Variants in MAPK10 observed in about 807,000 individuals in gnomAD.
The protein encoded by MAPK10 is JNK3 alpha protein kinase.
A neutral mutation model predicts 59.3 loss-of-function variants in MAPK10; 25 were observed. That is an observed-to-expected ratio of 0.42 (90% confidence interval 0.31 to 0.59). The LOEUF (loss-of-function observed/expected upper bound fraction) is 0.59. Among genes scored for constraint, MAPK10 ranks in the 20% least tolerant of loss-of-function variants. The pLI is 0.15. For synonymous variants in MAPK10, 190 were observed against 200.5 expected, an observed-to-expected ratio of 0.95 and a Z score of 0.44; for missense variants, 351 against 568.9, an observed-to-expected ratio of 0.62 and a Z score of 3.90.
At chr4:86,524,002 G>A (rs765128152) in intron 1 of MAPK10, among the ~76,000 whole-genome samples, 2 of 152,118 alleles carry the variant, frequency 1.3e-5, no homozygotes, top group Non-Finnish European at 2.9e-5. Context: ...CTTCAAGGGT[G>A]AGTGAGTTCC....
At chr4:86,197,891 T>C (rs931822028) in intron 2 of MAPK10, among the ~76,000 whole-genome samples, 9 of 152,132 alleles carry the variant, frequency 5.9e-5, no homozygotes, top group African/African-American at 2.2e-4. Flanking sequence ...ATATGTTGCA[T>C]TGATGTCATG....
chr4:86,288,547 T>G (rs2095108858), intron 2 of MAPK10, among the ~76,000 whole-genome samples: 1 of 152,052 alleles, frequency 6.6e-6, no homozygotes, highest in African/African-American at 2.4e-5. Context: ...GCCCAGTATC[T>G]CTAACTAGCT....
intron 4 of MAPK10, among the ~76,000 whole-genome samples, chr4:86,145,732 TTCTG>T (rs1167377694): frequency 6.6e-6 from 1 of 152,166 alleles, no homozygotes; most frequent in Non-Finnish European, 1.5e-5. Flanking sequence ...ATCTTTCTTC[TTCTG>T]TCTCTCTGTC....
At chr4:86,118,251 A>G (rs887699627) in intron 4 of MAPK10, among the ~76,000 whole-genome samples, 1 of 152,078 alleles carries the variant, frequency 6.6e-6, no homozygotes, top group African/African-American at 2.4e-5. Context: ...AAAGTTTTCT[A>G]TTACTCTTGA....
chr4:86,057,491 G>C (rs1168988679), intron 11 of MAPK10, among the ~76,000 whole-genome samples: 3 of 149,840 alleles, frequency 2.0e-5, no homozygotes, highest in Non-Finnish European at 4.4e-5. Context: ...ATTTGGAGGA[G>C]TTTATTTTGT....
At chr4:86,557,543 A>G (rs1760362001) in intron 1 of MAPK10, among the ~76,000 whole-genome samples, 1 of 152,100 alleles carries the variant, frequency 6.6e-6, no homozygotes, top group South Asian at 2.1e-4. Context: ...TATATCAAGA[A>G]TCTTACTGGC....
At chr4:86,377,814 A>T (rs1372038541) in intron 1 of MAPK10, among the ~76,000 whole-genome samples, 1 of 152,124 alleles carries the variant, frequency 6.6e-6, no homozygotes, top group African/African-American at 2.4e-5. Flanking sequence ...CGAGTTCCAA[A>T]ATTAAAGAAC....
At position 86,511,798 on chromosome 4, in the gene MAPK10, GAAGGAAGGAAGGAAAC is replaced by G. The variant is rs1429020064; in HGVS notation, c.-263+82096_-263+82111del. 5.4e-5 allele frequency among the ~76,000 whole-genome samples: 8 copies of G among 149,430 alleles called. No individual in the cohort carries two copies. The South Asian group carries it at 8.7e-4, about 16-fold the overall frequency. On this transcript the variant is annotated intron_variant, in intron 1 of 4. Coordinates refer to the MAPK10 transcript ENST00000502302. The stretch of plus-strand genomic sequence containing the variant: ...AGAAGGAGAAGGAGAAGAAGAAAAG[GAAGGAAGGAAGGAAAC>G]AAGGAAGGAAGGAAAGAAGGAAGGA...
intron 11 of MAPK10, among the ~76,000 whole-genome samples, chr4:86,039,888 A>C (rs1343955778): frequency 6.6e-6 from 1 of 151,972 alleles, no homozygotes; most frequent in Non-Finnish European, 1.5e-5. Flanking sequence ...CTATAGACCC[A>C]CCCACCTGCT....
intron 1 of MAPK10, among the ~76,000 whole-genome samples, chr4:86,465,915 G>A (rs970640793): frequency 2.6e-5 from 4 of 152,178 alleles, no homozygotes; most frequent in Admixed American, 6.5e-5. Context: ...AAAACCTGAG[G>A]AAAGCGGGAC....
At chr4:86,378,859 C>T (rs949861590) in intron 1 of MAPK10, among the ~76,000 whole-genome samples, 2 of 152,142 alleles carry the variant, frequency 1.3e-5, no homozygotes, top group African/African-American at 4.8e-5. Flanking sequence ...TGAATTGCTA[C>T]AGGCAATATA....
intron 1 of MAPK10, among the ~76,000 whole-genome samples, chr4:86,394,645 G>A (rs184579825): frequency 1.7e-4 from 26 of 152,150 alleles, no homozygotes; most frequent in Non-Finnish European, 3.1e-4. Flanking sequence ...CTGAAAACTC[G>A]GAAGATACAA....
chr4:86,280,244 AAACT>A (rs2094745594), intron 2 of MAPK10, among the ~76,000 whole-genome samples: 2 of 152,308 alleles, frequency 1.3e-5, no homozygotes, highest in African/African-American at 4.8e-5. Flanking sequence ...GAATTTAAAC[AAACT>A]AACAAGCAAA....
chr4:86,538,538 T>G (rs540351370), intron 1 of MAPK10, among the ~76,000 whole-genome samples: 1 of 152,356 alleles, frequency 6.6e-6, no homozygotes, highest in Admixed American at 6.5e-5. Context: ...TTGGATGCTT[T>G]TAGCCTTTTC....
chr4:86,247,972 G>A (rs895669270), intron 2 of MAPK10, among the ~76,000 whole-genome samples: 6 of 152,164 alleles, frequency 3.9e-5, no homozygotes, highest in Non-Finnish European at 5.9e-5. Context: ...ATTTTTTGTT[G>A]TCATATATCA....
chr4:86,018,605 C>T (rs1744580316), intron 13 of MAPK10, among the ~76,000 whole-genome samples: 1 of 152,166 alleles, frequency 6.6e-6, no homozygotes, highest in African/African-American at 2.4e-5. Flanking sequence ...GAAAGATGAA[C>T]CAAAGGCATT....
intron 1 of MAPK10, among the ~76,000 whole-genome samples, chr4:86,445,050 C>T (rs1473119595): frequency 6.6e-6 from 1 of 152,040 alleles, no homozygotes; most frequent in African/African-American, 2.4e-5. Flanking sequence ...ATCATTTGAC[C>T]CAGCAATCTG....
At chr4:86,360,205 A>G, upstream of MAPK10, 1 of 985,950 alleles carries the variant, frequency 1.0e-6, no homozygotes, top group Non-Finnish European at 1.2e-6. Flanking sequence ...AGCTACAGCT[A>G]CTGTGTTTTC....
intron 2 of MAPK10, among the ~76,000 whole-genome samples, chr4:86,296,268 G>A (rs888501367): frequency 2.6e-5 from 4 of 152,022 alleles, no homozygotes; most frequent in African/African-American, 9.7e-5. Context: ...GTTAAGACTG[G>A]ATTTGTGGGA....
Sources: gnomAD v4.1 joint callset for allele counts (sites outside exome capture counted in the v4.1 genomes callset) on GRCh38, gnomAD v4.1.1 for gene constraint, MANE v1.5 for transcripts, NCBI Gene and HGNC (gene_info 2026-07-23, HGNC 2026-07-21) for gene names.